The following KCNQ1 variants were observed in gnomAD, a reference collection of about 807,000 sequenced individuals.
The protein encoded by KCNQ1 is potassium voltage-gated channel subfamily KQT member 1.
A neutral mutation model predicts 72.4 loss-of-function variants in KCNQ1; 49 were observed. That is an observed-to-expected ratio of 0.68 (90% CI 0.54 to 0.86). KCNQ1 has a LOEUF of 0.86. Ranked by LOEUF, KCNQ1 falls within the 40% of genes least tolerant of loss-of-function variation. The pLI is 0.00. For synonymous variants in KCNQ1, 450 were observed against 412.6 expected (o/e 1.09, Z -1.10); for missense variants, 790 against 945.1 (o/e 0.84, Z 2.15).
At chr11:2,655,445 C>T in intron 10 of KCNQ1, 1 of 398,706 alleles carries the variant, frequency 2.5e-6, no homozygotes, top group Non-Finnish European at 4.4e-6. Flanking sequence ...GGCAGTTCAG[C>T]AAAGGGCACC....
intron 8 of KCNQ1, among the ~76,000 whole-genome samples, chr11:2,586,074 G>A (rs2133755887): frequency 6.6e-6 from 1 of 152,354 alleles, no homozygotes; most frequent in Admixed American, 6.5e-5. Context: ...AGCCGCTGAG[G>A]TGCCCAGAGG....
At chr11:2,636,474 T>C (rs1849466692) in intron 10 of KCNQ1, 1 of 152,250 alleles carries the variant, frequency 6.6e-6, no homozygotes, top group African/African-American at 2.4e-5. Flanking sequence ...TCTGTTTATA[T>C]GCTGGATAAT....
chr11:2,694,812 G>A (rs1466935191), intron 11 of KCNQ1: 11 of 398,562 alleles, frequency 2.8e-5, no homozygotes, highest in Non-Finnish European at 4.9e-5. Flanking sequence ...CAGCTAGTGA[G>A]TGACTGAAGG....
intron 1 of KCNQ1, among the ~76,000 whole-genome samples, chr11:2,501,931 A>G (rs1847020250): frequency 6.6e-6 from 1 of 152,356 alleles, no homozygotes; most frequent in South Asian, 2.1e-4. Flanking sequence ...TATCAACAGA[A>G]TGAAGGACAA....
intron 10 of KCNQ1, chr11:2,650,684 T>G (rs2133842354): frequency 2.5e-6 from 1 of 398,652 alleles, no homozygotes; most frequent in African/African-American, 2.1e-5. Context: ...TCTTCTCTGA[T>G]TCTGTATGCA....
intron 14 of KCNQ1, chr11:2,777,772 G>A (rs990612601): frequency 7.9e-6 from 5 of 635,158 alleles, no homozygotes; most frequent in East Asian, 5.4e-5. Flanking sequence ...ATGGAGCCCA[G>A]GTCCCCAGCT....
In KCNQ1 at chr11:2,506,130, C is replaced by T. The variant is rs117320449; in HGVS notation, c.387-21798C>T. On this transcript the variant is annotated intron_variant, in intron 1 of 15. Coordinates refer to ENST00000155840, the MANE Select transcript of KCNQ1 (RefSeq NM_000218.3). Reference sequence around the variant, plus strand: ...TCACCGGAGCCTGTGCCTTCAATGTCGTATTCAAGAAATCATCCTCAAATC... The same window carrying T: ...TCACCGGAGCCTGTGCCTTCAATGTTGTATTCAAGAAATCATCCTCAAATC... Among the ~76,000 whole-genome samples, 26 of 152,322 alleles carry T rather than the reference C, an allele frequency of 1.7e-4. No individual in the cohort carries two copies. In the East Asian group the frequency reaches 3.9e-3, roughly 23 times the overall value.
chr11:2,643,913 C>T lies in KCNQ1; in HGVS notation c.1394-18048C>T, dbSNP rs945607009. On this transcript the variant is annotated intron_variant, in intron 10 of 15. Transcript: ENST00000155840. ...TTTGGTTTTGTTTTTTCTTTCAGCACTCTGCGTATATAATCCCATCCTCCT... is the reference window on the plus strand; with the variant it reads ...TTTGGTTTTGTTTTTTCTTTCAGCATTCTGCGTATATAATCCCATCCTCCT... The T allele has an allele frequency of 2.8e-5, 11 of 398,436 alleles. No individual in the cohort carries two copies. In the Admixed American group the frequency reaches 4.0e-4, roughly 14 times the overall value. 24.7% of individuals were successfully genotyped at this position (398,436 alleles called of 1,614,324 possible).
In KCNQ1 at chr11:2,745,782, G is replaced by A. The variant is rs552263333; in HGVS notation, c.1515-23062G>A. Among the ~76,000 whole-genome samples, 4 of 152,334 alleles carry A rather than the reference G, an allele frequency of 2.6e-5. No individual in the cohort carries two copies. The South Asian group carries it at 8.3e-4, about 32-fold the overall frequency. On this transcript the variant is annotated intron_variant, in intron 11 of 15. Transcript: ENST00000155840. This position sits in a 1 kb window ranked among gnomAD's most constrained non-coding sequence, Gnocchi z 6.2. ...GCCTTGGAGAAGGCCGCTCAGCGAG[G>A]GCCGCCTTCAGGCCTGAGCCCGGGG...
Position 2,784,908 on chromosome 11 carries a change from C to T in KCNQ1, c.1794+6871C>T, listed in dbSNP as rs1383042920. 6.6e-6 allele frequency among the ~76,000 whole-genome samples: 1 copy of T among 151,930 alleles called. No homozygotes were observed. Among genetic ancestry groups the T allele is most frequent in the Non-Finnish European group, 1.5e-5 (1 of 67,786 alleles). On this transcript the variant is annotated intron_variant, in intron 15 of 15. Coordinates refer to ENST00000155840, the MANE Select transcript of KCNQ1 (RefSeq NM_000218.3). The surrounding 1 kb of genome is among the most constrained non-coding windows in gnomAD (Gnocchi z 4.7). Reference sequence around the variant, plus strand: ...CTGACTTTTCTATTCTTGGCTTTAGCCATTTTTGTTGTTGCTATTGATTTC... The same window carrying T: ...CTGACTTTTCTATTCTTGGCTTTAGTCATTTTTGTTGTTGCTATTGATTTC...
chr11:2,702,484 A>G (rs1389308907), intron 11 of KCNQ1, among the ~76,000 whole-genome samples: 1 of 152,206 alleles, frequency 6.6e-6, no homozygotes, highest in African/African-American at 2.4e-5. Flanking sequence ...TAGGATTTTT[A>G]TCTTGAAAAC....
At chr11:2,758,157 C>A (rs1341019828) in intron 11 of KCNQ1, among the ~76,000 whole-genome samples, 1 of 152,002 alleles carries the variant, frequency 6.6e-6, no homozygotes, top group Non-Finnish European at 1.5e-5. Flanking sequence ...TATGTGCAAG[C>A]CACATATTTG....
chr11:2,548,201 A>G (rs1433236126), intron 2 of KCNQ1, among the ~76,000 whole-genome samples: 1 of 152,232 alleles, frequency 6.6e-6, no homozygotes, highest in Non-Finnish European at 1.5e-5. Context: ...TCCCAGGGTC[A>G]TGCGTGTTTG....
rs1847609879 is a variant in KCNQ1 at position 2,816,154 on chromosome 11, A to G, written c.1795-31613A>G. On this transcript the variant is annotated intron_variant, in intron 15 of 15. Transcript: ENST00000155840. The surrounding 1 kb of genome is among the most constrained non-coding windows in gnomAD (Gnocchi z 6.8). ...CTCTGCCCATCCTGGGAAACTCACC[A>G]TGGCATTGTGGTTGAAGGGTCAGTG... 6.6e-6 allele frequency among the ~76,000 whole-genome samples: 1 copy of G among 152,194 alleles called. No homozygotes were observed.
At chr11:2,740,540 A>G (rs2133951483) in intron 11 of KCNQ1, among the ~76,000 whole-genome samples, 1 of 152,282 alleles carries the variant, frequency 6.6e-6, no homozygotes, top group South Asian at 2.1e-4. Flanking sequence ...GGGTGGACCC[A>G]GGCCTCCTGG....
In KCNQ1 at chr11:2,593,588, G is replaced by A. The variant is rs535672319; in HGVS notation, c.1393+4734G>A. On this transcript the variant is annotated intron_variant, in intron 10 of 15. Coordinates refer to ENST00000155840, the MANE Select transcript of KCNQ1 (RefSeq NM_000218.3). The surrounding 1 kb of genome is among the most constrained non-coding windows in gnomAD (Gnocchi z 6.9). The stretch of plus-strand genomic sequence containing the variant: ...TTTCCCGTTTGTGAAGTGGGGCAGC[G>A]TGCTGGAGGAGCATGCATCACATAC... 1.3e-4 allele frequency among the ~76,000 whole-genome samples: 20 copies of A among 152,300 alleles called. No individual in the cohort carries two copies. In the South Asian group the frequency reaches 4.1e-3, roughly 32 times the overall value.
intron 15 of KCNQ1, among the ~76,000 whole-genome samples, chr11:2,780,338 C>T (rs1016969727): frequency 2.0e-5 from 3 of 152,208 alleles, no homozygotes; most frequent in African/African-American, 7.2e-5. Context: ...GTGCAGCCAT[C>T]GGGACCGTAA....
chr11:2,820,270 T>C (rs915969354), intron 15 of KCNQ1, among the ~76,000 whole-genome samples: 1 of 152,248 alleles, frequency 6.6e-6, no homozygotes, highest in African/African-American at 2.4e-5. Flanking sequence ...CAGCTCCTTG[T>C]AAATCCATCC....
chr11:2,560,439 G>A (rs1430554199), intron 2 of KCNQ1, among the ~76,000 whole-genome samples: 1 of 92,194 alleles, frequency 1.1e-5, no homozygotes, highest in Non-Finnish European at 2.2e-5. Context: ...GGGGACGGTG[G>A]GGGATGTCCA....
Sources: allele counts gnomAD v4.1 joint callset (sites outside exome capture counted in the v4.1 genomes callset), GRCh38; gene constraint gnomAD v4.1.1; non-coding constraint Gnocchi (gnomAD v3.1); transcripts MANE v1.5; gene names NCBI Gene and HGNC (gene_info 2026-07-23, HGNC 2026-07-21).